The following NRG3 variants were observed in gnomAD, a reference collection of about 807,000 sequenced individuals.
The protein encoded by NRG3 is pro-neuregulin-3, membrane-bound isoform.
NRG3 carries 31 observed loss-of-function variants against 66.9 expected under a neutral mutation model. That is an observed-to-expected ratio of 0.46 (90% CI 0.35 to 0.63). NRG3 has a LOEUF of 0.63. NRG3 is among the 20% of genes least tolerant of loss of function. The pLI, the probability that NRG3 is intolerant of heterozygous loss-of-function variation, is 0.00. For missense variants in NRG3, 910 were observed against 878.9 expected, an observed-to-expected ratio of 1.04 and a Z score of -0.45; for synonymous variants, 393 against 359.4, an observed-to-expected ratio of 1.09 and a Z score of -1.06.
At chr10:82,785,475 TAGAAATTTAAACAG>T (rs1264028605) in intron 3 of NRG3, among the ~76,000 whole-genome samples, 1 of 152,110 alleles carries the variant, frequency 6.6e-6, no homozygotes, top group Non-Finnish European at 1.5e-5. Flanking sequence ...AGAGTATTGG[TAGAAATTTAAACAG>T]TAAAGGCTAC....
In NRG3 at chr10:82,242,615, T is replaced by C. The variant is rs141499911; in HGVS notation, c.824-116124T>C. Among the ~76,000 whole-genome samples, 61 of 152,070 alleles carry C rather than the reference T, an allele frequency of 4.0e-4. No individual in the cohort carries two copies. In the East Asian group the frequency reaches 0.01, roughly 25 times the overall value. ...ATTGTTTTGCTGAGACCTGGAGAGG[T>C]TTGCATATTCAAAATTGGGGGAAGA... On this transcript the variant is annotated intron_variant, in intron 1 of 8. Transcript: ENST00000372141.
At chr10:82,973,404 A>G (rs1851946309) in intron 6 of NRG3, among the ~76,000 whole-genome samples, 1 of 152,204 alleles carries the variant, frequency 6.6e-6, no homozygotes, top group South Asian at 2.1e-4. Flanking sequence ...TGTTGATTCA[A>G]TCCTTATTAT....
intron 1 of NRG3, among the ~76,000 whole-genome samples, chr10:82,306,148 G>A (rs1031895277): frequency 1.3e-5 from 2 of 152,084 alleles, no homozygotes; most frequent in Non-Finnish European, 2.9e-5. Context: ...TATATAAATA[G>A]ATCTTTGATT....
At chr10:82,354,903 A>C (rs2083679467) in intron 1 of NRG3, among the ~76,000 whole-genome samples, 2 of 152,208 alleles carry the variant, frequency 1.3e-5, no homozygotes, top group South Asian at 4.1e-4. Context: ...ACTTAAAGAA[A>C]GCCTTGAAAT....
chr10:82,796,691 G>T (rs1055685698), intron 3 of NRG3, among the ~76,000 whole-genome samples: 6 of 152,086 alleles, frequency 3.9e-5, no homozygotes, highest in Admixed American at 1.3e-4. Flanking sequence ...ACAGGAGAGG[G>T]AGCCCTAGAG....
chr10:82,839,476 G>A (rs1035007753), intron 3 of NRG3, among the ~76,000 whole-genome samples: 9 of 151,620 alleles, frequency 5.9e-5, no homozygotes, highest in Non-Finnish European at 8.8e-5. Flanking sequence ...AAAATTAAGA[G>A]AAGTGTGAAA....
chr10:82,376,677 G>A (rs1305747169), intron 2 of NRG3, among the ~76,000 whole-genome samples: 1 of 152,116 alleles, frequency 6.6e-6, no homozygotes, highest in Admixed American at 6.5e-5. Flanking sequence ...GGCTACATGG[G>A]TCTCCATAAT....
chr10:82,076,963 T>C lies in NRG3; in HGVS notation c.823+200800T>C, dbSNP rs11192409. Among the ~76,000 whole-genome samples the C allele has an allele frequency of 4.3e-3, 655 of 152,350 alleles. 7 individuals carry two copies. The highest frequency in any genetic ancestry group is 5.6e-3 in the Non-Finnish European group (378 of 68,032). ...TTGCTTCATCTGTAAAAAGGCATGT[T>C]GATACTGGACTTACTGGGTAGATAA... On this transcript the variant is annotated intron_variant, in intron 1 of 8. Transcript: ENST00000372141.
intron 3 of NRG3, among the ~76,000 whole-genome samples, chr10:82,836,736 A>G (rs2062796774): frequency 6.7e-6 from 1 of 149,704 alleles, no homozygotes. Flanking sequence ...TATTTTTTCT[A>G]ATTTTTTTTA....
intron 1 of NRG3, among the ~76,000 whole-genome samples, chr10:81,955,785 T>C (rs1436668154): frequency 6.6e-6 from 1 of 152,176 alleles, no homozygotes; most frequent in African/African-American, 2.4e-5. Flanking sequence ...TTTAATATTC[T>C]CCATGCTGAT....
intron 1 of NRG3, among the ~76,000 whole-genome samples, chr10:82,264,563 G>A (rs971042133): frequency 1.3e-5 from 2 of 152,164 alleles, no homozygotes; most frequent in African/African-American, 4.8e-5. Flanking sequence ...GACTGGATAA[G>A]CTCACCAAAG....
intron 2 of NRG3, among the ~76,000 whole-genome samples, chr10:82,512,381 G>T (rs544866935): frequency 2.0e-5 from 3 of 152,006 alleles, no homozygotes; most frequent in South Asian, 2.1e-4. Context: ...TGCCTCCTGG[G>T]TTCAAGTGAT....
chr10:82,591,737 C>A (rs1298329604), intron 2 of NRG3, among the ~76,000 whole-genome samples: 1 of 152,160 alleles, frequency 6.6e-6, no homozygotes, highest in Non-Finnish European at 1.5e-5. Context: ...TGAAAATTTT[C>A]CAATTGACTC....
At chr10:82,106,613 C>G (rs751276730) in intron 1 of NRG3, among the ~76,000 whole-genome samples, 1 of 151,204 alleles carries the variant, frequency 6.6e-6, no homozygotes, top group Non-Finnish European at 1.5e-5. Flanking sequence ...TCAAGTGATT[C>G]TCCTGCCTCA....
chr10:82,741,434 C>T (rs368783659), intron 3 of NRG3, among the ~76,000 whole-genome samples: 2 of 152,254 alleles, frequency 1.3e-5, no homozygotes, highest in African/African-American at 4.8e-5. Flanking sequence ...AACAGTAATA[C>T]CTATAAGCAT....
intron 1 of NRG3, among the ~76,000 whole-genome samples, chr10:81,911,278 A>T (rs1191339502): frequency 1.3e-5 from 2 of 152,170 alleles, no homozygotes; most frequent in Non-Finnish European, 2.9e-5. Context: ...ATGGGTTTTT[A>T]AAATGGGATT....
At chr10:82,614,709 A>G (rs565869687) in intron 2 of NRG3, among the ~76,000 whole-genome samples, 5 of 152,070 alleles carry the variant, frequency 3.3e-5, no homozygotes, top group African/African-American at 4.8e-5. Flanking sequence ...ACATTATTCT[A>G]CTCTACTGCT....
intron 4 of NRG3, among the ~76,000 whole-genome samples, chr10:82,942,246 C>T (rs944123549): frequency 3.9e-5 from 6 of 152,180 alleles, no homozygotes; most frequent in African/African-American, 1.4e-4. Flanking sequence ...GTCTCCCACA[C>T]CTCTGTCCTC....
chr10:82,692,227 G>C (rs894832094), intron 2 of NRG3, among the ~76,000 whole-genome samples: 1 of 148,928 alleles, frequency 6.7e-6, no homozygotes, highest in Admixed American at 6.7e-5. Flanking sequence ...ACTCCAGCCT[G>C]GGTGACAGAG....
Sources: allele counts gnomAD v4.1 joint callset (sites outside exome capture counted in the v4.1 genomes callset), GRCh38; gene constraint gnomAD v4.1.1; transcripts MANE v1.5; gene names NCBI Gene and HGNC (gene_info 2026-07-23, HGNC 2026-07-21).